The following ST7L variants were observed in gnomAD, a reference collection of about 807,000 sequenced individuals.
The protein encoded by ST7L is suppressor of tumorigenicity 7 protein-like.
ST7L carries 57 observed loss-of-function variants against 72.5 expected under a neutral mutation model. That is an observed-to-expected ratio of 0.79 (90% CI 0.64 to 0.98). The LOEUF (loss-of-function observed/expected upper bound fraction) is 0.98. Among genes scored for constraint, ST7L ranks in the 50% least tolerant of loss-of-function variants. The probability of loss-of-function intolerance (pLI) is 0.00; values close to 1 mark genes in which losing one functional copy is unlikely to be tolerated. For synonymous variants in ST7L, 221 were observed against 240.9 expected (o/e 0.92, Z 0.77); for missense variants, 576 against 672.2 (o/e 0.86, Z 1.58).
At position 112,523,666 on chromosome 1, in the gene ST7L, CCT is replaced by C. The variant is rs1484045679; in HGVS notation, c.*2345_*2346del. The C allele has an allele frequency of 6.6e-6, 1 of 152,194 alleles. No homozygotes were observed. Among genetic ancestry groups the C allele is most frequent in the African/African-American group, 2.4e-5 (1 of 41,436 alleles). 9.4% of individuals were successfully genotyped at this position (152,194 alleles called of 1,614,324 possible). ...AGATCAGCAATGTCTTAGCCCCTCT[CCT>C]CTCTTCCATTCCTTCCTGTTGGTAC... On this transcript the variant is annotated 3_prime_UTR_variant, in exon 15 of 15. Coordinates refer to ENST00000358039, the MANE Select transcript of ST7L (RefSeq NM_017744.5).
At chr1:112,569,475 C>T (rs1024311940) in intron 11 of ST7L, among the ~76,000 whole-genome samples, 3 of 152,090 alleles carry the variant, frequency 2.0e-5, no homozygotes, top group Non-Finnish European at 4.4e-5. Context: ...ATGAAAAGTC[C>T]AGAATAGGCA....
intron 2 of ST7L, among the ~76,000 whole-genome samples, chr1:112,615,417 C>T (rs1164006417): frequency 6.6e-6 from 1 of 152,270 alleles, no homozygotes; most frequent in South Asian, 2.1e-4. Flanking sequence ...AAAGTTCATG[C>T]TATTAACTGC....
chr1:112,519,075 G>A (rs1652716613), downstream of ST7L, among the ~76,000 whole-genome samples: 1 of 152,076 alleles, frequency 6.6e-6, no homozygotes, highest in South Asian at 2.1e-4. Context: ...GGGGTTTTTG[G>A]TGCCCAAGAG....
chr1:112,584,194 C>G, intron 6 of ST7L, 68 bp from the exon 7 acceptor site: 1 of 1,490,334 alleles, frequency 6.7e-7, no homozygotes, highest in Admixed American at 2.1e-5. Context: ...TGGTTATGTC[C>G]CTTTGCTCTA....
At chr1:112,536,737 AATT>A (rs1475999824) in intron 14 of ST7L, among the ~76,000 whole-genome samples, 2 of 152,054 alleles carry the variant, frequency 1.3e-5, no homozygotes, top group Non-Finnish European at 2.9e-5. Context: ...GGAGCCAGCC[AATT>A]ATGAGTTGCT....
chr1:112,606,364 C>T (rs1056225464), intron 3 of ST7L, among the ~76,000 whole-genome samples: 2 of 152,110 alleles, frequency 1.3e-5, no homozygotes, highest in Admixed American at 6.6e-5. Context: ...GCTAAATATC[C>T]AATGTCATTG....
downstream of ST7L, among the ~76,000 whole-genome samples, chr1:112,519,296 T>C (rs1349021464): frequency 1.3e-5 from 2 of 152,214 alleles, no homozygotes; most frequent in Non-Finnish European, 2.9e-5. Flanking sequence ...TATTTTAAAT[T>C]GATGAGATAA....
At chr1:112,539,730 A>G in intron 14 of ST7L, 4 of 985,234 alleles carry the variant, frequency 4.1e-6, no homozygotes, top group Non-Finnish European at 4.8e-6. Context: ...ATTTCCCATT[A>G]ACTCTTAAAT....
Position 112,577,052 on chromosome 1 carries a change from G to A in ST7L, c.1179C>T (p.Ser393=), listed in dbSNP as rs1663212703. The A allele has an allele frequency of 6.2e-7, 1 of 1,607,390 alleles. No individual in the cohort carries two copies. The highest frequency in any genetic ancestry group is 1.3e-5 in the African/African-American group (1 of 74,662). Residue 393 remains serine, a synonymous_variant, in exon 11 of 15, where the codon AGC becomes AGT. Transcript: ENST00000358039. The part of the protein sequence containing the change: ...SPETASRRGL[S]TAEINAVEAI... Reference sequence around the variant, plus strand: ...CTTCCACGGCATTAATTTCTGCTGTGCTTAATCCTCTTCTGGAGGCTGTTT... The same window carrying A: ...CTTCCACGGCATTAATTTCTGCTGTACTTAATCCTCTTCTGGAGGCTGTTT...
intron 11 of ST7L, chr1:112,570,670 A>T (rs879121074): frequency 3.1e-5 from 14 of 449,212 alleles, no homozygotes; most frequent in South Asian, 2.1e-4. Flanking sequence ...AAATCCCTTT[A>T]TGTTTGCTTG....
chr1:112,608,356 T>A (rs930927406), intron 3 of ST7L, among the ~76,000 whole-genome samples: 1 of 152,200 alleles, frequency 6.6e-6, no homozygotes, highest in Non-Finnish European at 1.5e-5. Context: ...GTATTTCCTC[T>A]GTGATATATT....
At chr1:112,605,511 A>G (rs1160935376) in intron 3 of ST7L, among the ~76,000 whole-genome samples, 1 of 151,696 alleles carries the variant, frequency 6.6e-6, no homozygotes, top group Non-Finnish European at 1.5e-5. Flanking sequence ...ACCAACGTGG[A>G]GAAAACCCGT....
rs1667263940 is a variant in ST7L, at chr1:112,600,790, A to C, written c.506+4T>G. The C allele has an allele frequency of 1.2e-6, 2 of 1,609,274 alleles. No individual in the cohort carries two copies. The highest frequency in any genetic ancestry group is 2.2e-5 in the South Asian group (2 of 90,434). On this transcript the variant is annotated splice_donor_region_variant and intron_variant, in intron 4 of 14. Coordinates refer to ENST00000358039, the MANE Select transcript of ST7L (RefSeq NM_017744.5). ...CTACTTATACTGAAAGCAAAATGTA[A>C]TACCTCCTATATTCTGCTCCTCTGA...
At chr1:112,535,170 C>G (rs1228711197) in intron 14 of ST7L, among the ~76,000 whole-genome samples, 2 of 151,396 alleles carry the variant, frequency 1.3e-5, no homozygotes, top group Non-Finnish European at 2.9e-5. Flanking sequence ...TTCAGGAGTT[C>G]AAGACTAGCC....
At chr1:112,605,938 C>A (rs1033671315) in intron 3 of ST7L, among the ~76,000 whole-genome samples, 1 of 152,224 alleles carries the variant, frequency 6.6e-6, no homozygotes, top group African/African-American at 2.4e-5. Flanking sequence ...TCTTCCTTTT[C>A]TTTGAAGTCA....
intron 11 of ST7L, among the ~76,000 whole-genome samples, chr1:112,572,200 G>A (rs749161012): frequency 6.6e-6 from 1 of 152,190 alleles, no homozygotes; most frequent in Non-Finnish European, 1.5e-5. Flanking sequence ...TGTCATCCAG[G>A]CTTTGTTGTT....
chr1:112,564,553 G>A (rs1314777943), intron 11 of ST7L, among the ~76,000 whole-genome samples: 1 of 152,102 alleles, frequency 6.6e-6, no homozygotes, highest in Non-Finnish European at 1.5e-5. Context: ...ACTATCAGCT[G>A]GGAGCAGTGG....
intron 5 of ST7L, among the ~76,000 whole-genome samples, chr1:112,593,969 T>A (rs1285227242): frequency 6.6e-6 from 1 of 152,140 alleles, no homozygotes; most frequent in East Asian, 1.9e-4. Flanking sequence ...ATACACTCTG[T>A]CCTCCTTGAG....
In ST7L at chr1:112,583,971, C is replaced by T. The variant is rs751469964; in HGVS notation, c.856+1G>A. 1.2e-6 allele frequency: 2 copies of T among 1,612,914 alleles called. No individual in the cohort carries two copies. The highest frequency in any genetic ancestry group is 1.3e-5 in the African/African-American group (1 of 74,992). On this transcript the variant is annotated splice_donor_variant, in intron 7 of 14. Transcript: ENST00000358039. LOFTEE classifies it high-confidence loss of function. ...GTAATAACCAGTTCAAACTTGCTTA[C>T]TCAGTTGAGCTTCATGCTGAGGACT... is the stretch of plus-strand genomic sequence containing the variant.
Sources: gnomAD v4.1 joint callset for allele counts (sites outside exome capture counted in the v4.1 genomes callset) on GRCh38, gnomAD v4.1.1 for gene constraint, MANE v1.5 for transcripts, NCBI Gene and HGNC (gene_info 2026-07-23, HGNC 2026-07-21) for gene names.